Variants in UTS2 observed in about 807,000 individuals in gnomAD.
UTS2 encodes urotensin-2.
Under a neutral mutation model 12.6 loss-of-function variants are expected in UTS2, and 10 were observed. That is an observed-to-expected ratio of 0.80 (90% CI 0.49 to 1.35). The LOEUF is 1.35. UTS2 is among the 40% of genes most tolerant of loss of function. The pLI is 0.00. For synonymous variants in UTS2, 52 were observed against 50.0 expected (o/e 1.04, Z -0.17); for missense variants, 142 against 143.2 (o/e 0.99, Z 0.04).
the UTS2 span, among the ~76,000 whole-genome samples, chr1:7,910,622 C>T: frequency 6.6e-6 from 1 of 152,164 alleles, no homozygotes; most frequent in Admixed American, 6.6e-5. Flanking sequence ...ATTTGTATGC[C>T]TTTTCTCCTA....
chr1:7,855,855 C>A (rs756472766), upstream of UTS2, among the ~76,000 whole-genome samples: 1 of 151,058 alleles, frequency 6.6e-6, no homozygotes, highest in African/African-American at 2.4e-5. Context: ...CATGCCACCA[C>A]GCTCAGCTAG....
chr1:7,894,628 G>A, the UTS2 span, among the ~76,000 whole-genome samples: 7 of 152,204 alleles, frequency 4.6e-5, no homozygotes, highest in African/African-American at 1.7e-4. Context: ...GAATTCCCGT[G>A]TCATTCCAGG....
the UTS2 span, among the ~76,000 whole-genome samples, chr1:7,912,351 C>T: frequency 1.3e-5 from 2 of 152,156 alleles, no homozygotes; most frequent in African/African-American, 2.4e-5. Flanking sequence ...GAGGACTCAG[C>T]GGCATAAACC....
chr1:7,851,943 G>A (rs1423806788), intron 1 of UTS2, among the ~76,000 whole-genome samples: 1 of 152,048 alleles, frequency 6.6e-6, no homozygotes, highest in Admixed American at 6.6e-5. Flanking sequence ...ATCTTGAGAT[G>A]TGTGCTGTTT....
the UTS2 span, among the ~76,000 whole-genome samples, chr1:7,894,132 C>CTT: frequency 5.2e-3 from 756 of 144,688 alleles, 3 homozygotes; most frequent in African/African-American, 0.018. Context: ...TCTCTGATTT[C>CTT]TTTTTTTTTT....
chr1:7,865,742 G>C, the UTS2 span, among the ~76,000 whole-genome samples: 1 of 152,144 alleles, frequency 6.6e-6, no homozygotes, highest in Admixed American at 6.5e-5. Context: ...AGACCAGCCC[G>C]AGCAACACAG....
the UTS2 span, among the ~76,000 whole-genome samples, chr1:7,888,549 A>G: frequency 6.6e-6 from 1 of 152,180 alleles, no homozygotes; most frequent in Non-Finnish European, 1.5e-5. Context: ...CTCTACTCCA[A>G]GGTTTCCATT....
At chr1:7,858,695 C>T in the UTS2 span, among the ~76,000 whole-genome samples, 22 of 152,098 alleles carry the variant, frequency 1.4e-4, no homozygotes, top group African/African-American at 3.9e-4. Flanking sequence ...CCTATTCTCA[C>T]GCTTCAGCCT....
the UTS2 span, among the ~76,000 whole-genome samples, chr1:7,878,123 A>C: frequency 6.6e-6 from 1 of 152,256 alleles, no homozygotes. Flanking sequence ...AGAATCAGAC[A>C]ATATGTTCAC....
intron 2 of UTS2, among the ~76,000 whole-genome samples, chr1:7,850,418 G>C (rs1316616593): frequency 6.6e-6 from 1 of 152,132 alleles, no homozygotes; most frequent in African/African-American, 2.4e-5. Flanking sequence ...CTCTTCACAA[G>C]TTACCTTCTG....
the UTS2 span, among the ~76,000 whole-genome samples, chr1:7,880,829 ACAAGGACACAG>A: frequency 6.6e-6 from 1 of 152,192 alleles, no homozygotes; most frequent in Admixed American, 6.5e-5. Context: ...CCAAACCCAG[ACAAGGACACAG>A]CAGAAAAAAG....
chr1:7,862,972 CGTTATTTATTGTGTTGT>C, the UTS2 span, among the ~76,000 whole-genome samples: 5 of 147,074 alleles, frequency 3.4e-5, no homozygotes, highest in African/African-American at 1.3e-4. Context: ...CCCTGACGGC[CGTTATTTATTGTGTTGT>C]GTTGTATTGT....
the UTS2 span, among the ~76,000 whole-genome samples, chr1:7,859,351 C>G: frequency 5.9e-5 from 9 of 152,228 alleles, no homozygotes; most frequent in South Asian, 1.9e-3. Flanking sequence ...TAAGTGACTA[C>G]TGAATGCCTC....
chr1:7,858,882 T>C, the UTS2 span, among the ~76,000 whole-genome samples: 1 of 152,172 alleles, frequency 6.6e-6, no homozygotes, highest in African/African-American at 2.4e-5. Flanking sequence ...CACGCCCAGC[T>C]GGTCATAACT....
At chr1:7,904,309 T>TAA in the UTS2 span, among the ~76,000 whole-genome samples, 1 of 130,298 alleles carries the variant, frequency 7.7e-6, no homozygotes. Context: ...CTACAAAAAA[T>TAA]AAAAAAAAAA....
At chr1:7,903,103 C>CCTTTTTTTAATTATTAAT in the UTS2 span, among the ~76,000 whole-genome samples, 2 of 66,462 alleles carry the variant, frequency 3.0e-5, no homozygotes, top group Admixed American at 2.1e-4. Flanking sequence ...TCCCCTCCTT[C>CCTTTTTTTAATTATTAAT]TCCTGCTTCC....
the UTS2 span, among the ~76,000 whole-genome samples, chr1:7,902,719 C>G: frequency 2.0e-5 from 3 of 152,136 alleles, no homozygotes; most frequent in African/African-American, 7.2e-5. Flanking sequence ...GCTTCCCCGG[C>G]CAGCGCCTCC....
chr1:7,891,586 A>AAGAAAGAAAGAG, the UTS2 span, among the ~76,000 whole-genome samples: 3 of 151,558 alleles, frequency 2.0e-5, no homozygotes, highest in Non-Finnish European at 4.4e-5. Flanking sequence ...GAAAGAAAGA[A>AAGAAAGAAAGAG]AGAAAGAAAG....
chr1:7,886,247 C>T, the UTS2 span, among the ~76,000 whole-genome samples: 2 of 152,184 alleles, frequency 1.3e-5, no homozygotes, highest in Non-Finnish European at 2.9e-5. Context: ...CCCATCTCGG[C>T]CCAGGCTGAG....
Sources: allele counts gnomAD v4.1 joint callset (sites outside exome capture counted in the v4.1 genomes callset), GRCh38; gene constraint gnomAD v4.1.1; transcripts MANE v1.5; gene names NCBI Gene and HGNC (gene_info 2026-07-23, HGNC 2026-07-21).